Variants in CSMD1 observed in about 807,000 individuals in gnomAD.
CSMD1 encodes the protein CUB and Sushi multiple domains 1.
A neutral mutation model predicts 417.5 loss-of-function variants in CSMD1; 213 were observed. The observed-to-expected ratio is 0.51, with a 90% CI of 0.46 to 0.57. The LOEUF is 0.57. Ranked by LOEUF, CSMD1 falls within the 20% of genes least tolerant of loss-of-function variation. The pLI is 0.00. For missense variants in CSMD1, 6,923 were observed against 4,529.7 expected, an observed-to-expected ratio of 1.53 and a Z score of -15.17; for synonymous variants, 2,862 against 1,736.8, an observed-to-expected ratio of 1.65 and a Z score of -16.11.
At chr8:4,556,846 T>C (rs905097439) in intron 2 of CSMD1, among the ~76,000 whole-genome samples, 2 of 152,212 alleles carry the variant, frequency 1.3e-5, no homozygotes, top group Non-Finnish European at 2.9e-5. Context: ...GGATTTGGGA[T>C]GTGTAACTAA....
intron 2 of CSMD1, among the ~76,000 whole-genome samples, chr8:4,572,299 T>C (rs1212351983): frequency 6.6e-6 from 1 of 152,224 alleles, no homozygotes; most frequent in Non-Finnish European, 1.5e-5. Context: ...GGAGCTCTTA[T>C]AAGGCAGGCC....
intron 2 of CSMD1, among the ~76,000 whole-genome samples, chr8:4,631,993 AT>A (rs1802544324): frequency 6.6e-6 from 1 of 152,218 alleles, no homozygotes; most frequent in Non-Finnish European, 1.5e-5. Context: ...GACCTTTGAT[AT>A]AATAATTTTA....
chr8:3,805,752 C>G (rs950130468), intron 5 of CSMD1, among the ~76,000 whole-genome samples: 2 of 152,046 alleles, frequency 1.3e-5, no homozygotes, highest in African/African-American at 2.4e-5. Context: ...TTGTGATACT[C>G]TTTGAGTCCG....
chr8:3,947,746 T>G (rs896354332), intron 5 of CSMD1, among the ~76,000 whole-genome samples: 5 of 152,188 alleles, frequency 3.3e-5, no homozygotes, highest in African/African-American at 1.2e-4. Context: ...ATAGTTTATC[T>G]TAGTGAATGT....
intron 3 of CSMD1, among the ~76,000 whole-genome samples, chr8:4,153,233 G>T (rs151107698): frequency 1.1e-3 from 175 of 152,292 alleles, no homozygotes; most frequent in African/African-American, 4.0e-3. Flanking sequence ...AGGGGAGCTG[G>T]AGAGTATGCC....
chr8:4,464,571 T>G, intron 2 of CSMD1, among the ~76,000 whole-genome samples: 1 of 152,200 alleles, frequency 6.6e-6, no homozygotes. Flanking sequence ...GTATGGGTAC[T>G]CAACGGGTGG....
intron 25 of CSMD1, chr8:3,284,599 T>A (rs142012827): frequency 0.014 from 6,761 of 468,538 alleles, 67 homozygotes; most frequent in Middle Eastern, 0.025. Context: ...GATGCTGAGC[T>A]ATCCATTTTA....
At chr8:3,089,574 G>C (rs999051979) in intron 48 of CSMD1, among the ~76,000 whole-genome samples, 1 of 152,196 alleles carries the variant, frequency 6.6e-6, no homozygotes, top group East Asian at 1.9e-4. Context: ...TCATGGGCTA[G>C]AGTTCCCTTG....
At chr8:3,471,098 T>A (rs1023459766) in intron 11 of CSMD1, among the ~76,000 whole-genome samples, 2 of 152,198 alleles carry the variant, frequency 1.3e-5, no homozygotes, top group Non-Finnish European at 2.9e-5. Flanking sequence ...TACCAAATTT[T>A]TCCCCAGACT....
chr8:4,335,433 C>G (rs1033941217), intron 3 of CSMD1, among the ~76,000 whole-genome samples: 1 of 152,050 alleles, frequency 6.6e-6, no homozygotes, highest in Non-Finnish European at 1.5e-5. Context: ...ACCAGAAACT[C>G]GTTACTAGAA....
chr8:4,050,451 A>C (rs1798366800), intron 3 of CSMD1, among the ~76,000 whole-genome samples: 1 of 152,176 alleles, frequency 6.6e-6, no homozygotes. Context: ...CTTATGGGGT[A>C]CATATTTTGA....
In CSMD1 at chr8:3,580,527, A is replaced by C. The variant is rs551447405; in HGVS notation, c.1223-5461T>G. Among the ~76,000 whole-genome samples the C allele has an allele frequency of 5.0e-4, 76 of 152,342 alleles. 1 individual carries two copies. In the South Asian group the frequency reaches 0.015, roughly 31 times the overall value. ...CTTTCAGGTTCTTTGATGTCAATAG[A>C]GTATGAGAGTAGTATAAGATACAAA... On this transcript the variant is annotated intron_variant, in intron 9 of 69. Transcript: ENST00000635120.
chr8:4,162,584 T>A (rs1797235653), intron 3 of CSMD1, among the ~76,000 whole-genome samples: 1 of 152,232 alleles, frequency 6.6e-6, no homozygotes, highest in East Asian at 1.9e-4. Flanking sequence ...AAATATAGAT[T>A]TTATATTTTA....
At chr8:3,378,116 A>G (rs1019404043) in intron 18 of CSMD1, among the ~76,000 whole-genome samples, 1 of 151,278 alleles carries the variant, frequency 6.6e-6, no homozygotes, top group Non-Finnish European at 1.5e-5. Flanking sequence ...TGTTGGTAAG[A>G]AGAGAGGAAG....
At chr8:3,329,817 G>A (rs1018027267) in intron 23 of CSMD1, among the ~76,000 whole-genome samples, 6 of 152,196 alleles carry the variant, frequency 3.9e-5, no homozygotes, top group African/African-American at 1.2e-4. Flanking sequence ...TTGTCTGCTA[G>A]GGGCTAACTT....
intron 3 of CSMD1, among the ~76,000 whole-genome samples, chr8:4,356,138 A>C (rs1285274353): frequency 6.6e-6 from 1 of 152,142 alleles, no homozygotes. Context: ...CCCAAAGTCC[A>C]TTGTATCTTT....
chr8:4,707,974 C>G (rs1047900566), intron 1 of CSMD1, among the ~76,000 whole-genome samples: 1 of 149,168 alleles, frequency 6.7e-6, no homozygotes, highest in Non-Finnish European at 1.5e-5. Context: ...TAAGACACAT[C>G]TCACTCTGTC....
intron 57 of CSMD1, among the ~76,000 whole-genome samples, chr8:2,972,352 A>G (rs1804533484): frequency 6.6e-6 from 1 of 152,200 alleles, no homozygotes; most frequent in Admixed American, 6.5e-5. Flanking sequence ...ACAACAATAC[A>G]TATTGAATTA....
chr8:3,592,274 T>A (rs888979411), intron 8 of CSMD1, among the ~76,000 whole-genome samples: 1 of 152,154 alleles, frequency 6.6e-6, no homozygotes, highest in African/African-American at 2.4e-5. Flanking sequence ...TATATCTTTC[T>A]GTGTTAAAAA....
Sources: allele counts gnomAD v4.1 joint callset (sites outside exome capture counted in the v4.1 genomes callset), GRCh38; gene constraint gnomAD v4.1.1; transcripts MANE v1.5; gene names NCBI Gene and HGNC (gene_info 2026-07-23, HGNC 2026-07-21).